The following ADGRL3 variants were observed in gnomAD, a reference collection of about 807,000 sequenced individuals.
ADGRL3 encodes adhesion G protein-coupled receptor L3.
A neutral mutation model predicts 153.5 loss-of-function variants in ADGRL3; 62 were observed. The ratio of observed to expected loss-of-function variants is 0.40; its 90% confidence interval spans 0.33 to 0.50. The LOEUF (loss-of-function observed/expected upper bound fraction) is 0.50. Ranked by LOEUF, ADGRL3 falls within the 20% of genes least tolerant of loss-of-function variation. The pLI is 0.47. For missense variants in ADGRL3, 1,641 were observed against 1,859.4 expected (o/e 0.88, Z 2.16); for synonymous variants, 710 against 672.5 (o/e 1.06, Z -0.86).
intron 5 of ADGRL3, among the ~76,000 whole-genome samples, chr4:61,616,161 T>G: frequency 6.6e-6 from 1 of 152,114 alleles, no homozygotes; most frequent in African/African-American, 2.4e-5. Flanking sequence ...AATAAGTTAT[T>G]TGATAGAAAT....
intron 9 of ADGRL3, among the ~76,000 whole-genome samples, chr4:61,818,064 C>A (rs1021372990): frequency 6.6e-6 from 1 of 152,134 alleles, no homozygotes; most frequent in Admixed American, 6.6e-5. Flanking sequence ...AGTCTTAACT[C>A]ATTTCAGCAT....
chr4:61,462,508 T>C (rs986867826), intron 2 of ADGRL3, among the ~76,000 whole-genome samples: 1 of 152,088 alleles, frequency 6.6e-6, no homozygotes, highest in African/African-American at 2.4e-5. Context: ...TCTGGATATG[T>C]TGGGCTTGGT....
At chr4:61,820,521 C>A (rs2097740856) in intron 9 of ADGRL3, among the ~76,000 whole-genome samples, 1 of 152,156 alleles carries the variant, frequency 6.6e-6, no homozygotes, top group Non-Finnish European at 1.5e-5. Context: ...TATAGTAATT[C>A]CTCTTGCCAT....
At chr4:61,214,375 T>C (rs1344301164) in intron 1 of ADGRL3, among the ~76,000 whole-genome samples, 3 of 152,240 alleles carry the variant, frequency 2.0e-5, no homozygotes, top group Non-Finnish European at 2.9e-5. Flanking sequence ...CTTAAGTTCA[T>C]CTAAAGTATC....
At chr4:61,768,384 G>C (rs2097030900) in intron 8 of ADGRL3, among the ~76,000 whole-genome samples, 1 of 151,930 alleles carries the variant, frequency 6.6e-6, no homozygotes, top group East Asian at 1.9e-4. Context: ...AGATTAGAAA[G>C]ACTCAGCGAC....
intron 2 of ADGRL3, among the ~76,000 whole-genome samples, chr4:61,398,118 G>A (rs1035705214): frequency 1.3e-5 from 2 of 151,868 alleles, no homozygotes; most frequent in African/African-American, 4.8e-5. Context: ...ATTGAACAAT[G>A]TCTCACTGAA....
chr4:61,352,394 CT>C (rs373552031), intron 1 of ADGRL3, among the ~76,000 whole-genome samples: 111 of 144,720 alleles, frequency 7.7e-4, no homozygotes, highest in Middle Eastern at 3.5e-3. Context: ...TAAACATAAC[CT>C]TTTTTTTTTT....
chr4:61,377,848 G>A (rs2096622726), intron 1 of ADGRL3, among the ~76,000 whole-genome samples: 1 of 151,780 alleles, frequency 6.6e-6, no homozygotes, highest in Non-Finnish European at 1.5e-5. Context: ...ATTTGCCTTT[G>A]AGTACTGCTT....
intron 1 of ADGRL3, among the ~76,000 whole-genome samples, chr4:61,343,163 C>T (rs1312966797): frequency 6.6e-6 from 1 of 152,142 alleles, no homozygotes; most frequent in Non-Finnish European, 1.5e-5. Context: ...ATTGGAGCTA[C>T]AATTCAAGAC....
At chr4:61,476,049 CT>C (rs1400618766) in intron 2 of ADGRL3, among the ~76,000 whole-genome samples, 5 of 152,158 alleles carry the variant, frequency 3.3e-5, no homozygotes, top group African/African-American at 1.2e-4. Flanking sequence ...CATATGACTC[CT>C]CATATTCATC....
intron 17 of ADGRL3, among the ~76,000 whole-genome samples, chr4:61,959,055 AG>A (rs1314342549): frequency 7.2e-5 from 11 of 152,214 alleles, no homozygotes; most frequent in African/African-American, 2.4e-5. Context: ...ACTGAGTTAT[AG>A]TGTTTATGAT....
chr4:61,772,934 T>C, intron 8 of ADGRL3, among the ~76,000 whole-genome samples: 1 of 152,286 alleles, frequency 6.6e-6, no homozygotes, highest in East Asian at 1.9e-4. Context: ...ATGTTTAAAA[T>C]ACCCTGTTTA....
chr4:61,865,892 CACTT>C (rs768695954), intron 9 of ADGRL3, among the ~76,000 whole-genome samples: 62 of 152,328 alleles, frequency 4.1e-4, no homozygotes, highest in Non-Finnish European at 8.4e-4. Flanking sequence ...ATGAATCTCT[CACTT>C]AGGCAGATTT....
chr4:61,761,149 G>A (rs1465222312), intron 8 of ADGRL3, among the ~76,000 whole-genome samples: 2 of 152,202 alleles, frequency 1.3e-5, no homozygotes, highest in African/African-American at 4.8e-5. Flanking sequence ...CTGATCTTAG[G>A]AGTAGTTTAG....
chr4:61,227,336 G>A (rs1321329049), intron 1 of ADGRL3, among the ~76,000 whole-genome samples: 1 of 151,952 alleles, frequency 6.6e-6, no homozygotes, highest in Admixed American at 6.6e-5. Context: ...TTCCCAAGTT[G>A]CTGGGACTGT....
intron 5 of ADGRL3, among the ~76,000 whole-genome samples, chr4:61,617,821 A>C (rs775459389): frequency 6.6e-6 from 1 of 152,196 alleles, no homozygotes; most frequent in African/African-American, 2.4e-5. Context: ...CTCTGTTAAC[A>C]TGTGTTATAA....
intron 6 of ADGRL3, among the ~76,000 whole-genome samples, chr4:61,716,018 T>G (rs571716767): frequency 6.6e-6 from 1 of 152,112 alleles, no homozygotes; most frequent in South Asian, 2.1e-4. Flanking sequence ...TCTACCATTT[T>G]CTTTATTCCT....
At chr4:62,017,562 A>G (rs2099218336) in intron 21 of ADGRL3, among the ~76,000 whole-genome samples, 1 of 152,026 alleles carries the variant, frequency 6.6e-6, no homozygotes, top group Non-Finnish European at 1.5e-5. Context: ...TTGTTATTTA[A>G]TAGCTTATTT....
rs1344711688 is a variant in ADGRL3, at chr4:61,847,855, T to A, written c.1480+33966T>A. Among the ~76,000 whole-genome samples the A allele has an allele frequency of 2.3e-4, 3 of 12,970 alleles. 1 individual carries two copies. The highest frequency in any genetic ancestry group is 4.1e-4 in the Non-Finnish European group (2 of 4,864). 8.5% of individuals were successfully genotyped at this position (12,970 alleles called of 152,430 possible). Reference sequence around the variant, plus strand: ...AATATATATATAATATAAAATATATTATATATAATATAAAATATATTATAT... The same window carrying A: ...AATATATATATAATATAAAATATATAATATATAATATAAAATATATTATAT... On this transcript the variant is annotated intron_variant, in intron 9 of 26. Coordinates refer to ENST00000683033, the MANE Select transcript of ADGRL3 (RefSeq NM_001387552.1).
Sources: allele counts gnomAD v4.1 joint callset (sites outside exome capture counted in the v4.1 genomes callset), GRCh38; gene constraint gnomAD v4.1.1; transcripts MANE v1.5; gene names NCBI Gene and HGNC (gene_info 2026-07-23, HGNC 2026-07-21).